Variants in KLF8 observed in about 807,000 individuals in gnomAD.
The protein encoded by KLF8 is KLF transcription factor 8, also known as Krueppel-like factor 8.
In KLF8, 10 loss-of-function variants were observed where a neutral mutation model predicts 18.2. The observed-to-expected ratio is 0.55, with a 90% confidence interval of 0.34 to 0.93. KLF8 has a LOEUF of 0.93. Among genes scored for constraint, KLF8 ranks in the 40% least tolerant of loss-of-function variants. KLF8 has a pLI of 0.02. For missense variants in KLF8, 264 were observed against 277.9 expected (o/e 0.95, Z 0.36); for synonymous variants, 109 against 97.3 (o/e 1.12, Z -0.71).
intron 1 of KLF8, 49 bp from the exon 2 acceptor site, chrX:56,250,182 T>G: frequency 1.1e-6 from 1 of 927,930 alleles, no homozygotes; most frequent in Non-Finnish European, 1.6e-6. Context: ...ATGCATATAG[T>G]GGGTTAGATT....
the KLF8 span, among the ~76,000 whole-genome samples, chrX:56,091,748 G>A: frequency 9.0e-6 from 1 of 111,712 alleles, no homozygotes; most frequent in Non-Finnish European, 1.9e-5. Context: ...ACCCAGTTTG[G>A]CCTCCCAAAG....
At chrX:56,174,169 G>A in the KLF8 span, among the ~76,000 whole-genome samples, 1 of 111,780 alleles carries the variant, frequency 8.9e-6, no homozygotes, top group Non-Finnish European at 1.9e-5. Context: ...TCCCTGTCTT[G>A]TGTGAGTTTT....
chrX:56,023,072 A>G, the KLF8 span, among the ~76,000 whole-genome samples: 2 of 111,606 alleles, frequency 1.8e-5, no homozygotes, highest in East Asian at 5.6e-4. Flanking sequence ...TGGGCATGCA[A>G]TATTTAAATA....
At chrX:56,002,832 AT>A in the KLF8 span, among the ~76,000 whole-genome samples, 1 of 111,864 alleles carries the variant, frequency 8.9e-6, no homozygotes, top group African/African-American at 3.3e-5. Context: ...CAGGTATCTA[AT>A]TGTCTTTTTT....
At chrX:56,188,099 T>A in the KLF8 span, among the ~76,000 whole-genome samples, 16 of 110,972 alleles carry the variant, frequency 1.4e-4, no homozygotes, top group Admixed American at 8.7e-4. Context: ...TGTTTGCAGA[T>A]GACATGATTG....
the KLF8 span, among the ~76,000 whole-genome samples, chrX:56,072,468 T>A: frequency 9.0e-6 from 1 of 111,594 alleles, no homozygotes; most frequent in Non-Finnish European, 1.9e-5. Flanking sequence ...GGCAGGTAGA[T>A]TAGCTCTTCA....
chrX:55,954,498 T>C, the KLF8 span, among the ~76,000 whole-genome samples: 1 of 111,886 alleles, frequency 8.9e-6, no homozygotes, highest in Non-Finnish European at 1.9e-5. Flanking sequence ...GAAGCCACTT[T>C]ATACTCACCA....
the KLF8 span, among the ~76,000 whole-genome samples, chrX:55,951,116 A>C: frequency 9.0e-6 from 1 of 111,372 alleles, no homozygotes; most frequent in Admixed American, 9.6e-5. Flanking sequence ...AGTCATAGAG[A>C]CCAAAATGGC....
At chrX:55,947,079 C>T in the KLF8 span, among the ~76,000 whole-genome samples, 4 of 111,320 alleles carry the variant, frequency 3.6e-5, no homozygotes, top group African/African-American at 9.8e-5. Flanking sequence ...GTCAGTGTGG[C>T]GATTCCTCAG....
At chrX:55,987,181 CT>C in the KLF8 span, among the ~76,000 whole-genome samples, 24 of 98,527 alleles carry the variant, frequency 2.4e-4, no homozygotes, top group African/African-American at 7.4e-4. Context: ...TTTGAAGTTT[CT>C]TTTTTTTTTT....
the KLF8 span, among the ~76,000 whole-genome samples, chrX:56,011,253 A>G: frequency 8.9e-6 from 1 of 112,127 alleles, no homozygotes; most frequent in Non-Finnish European, 1.9e-5. Context: ...CACAAGAACT[A>G]AAATCTTAAC....
chrX:56,278,098 C>T (rs920768667), intron 5 of KLF8, among the ~76,000 whole-genome samples: 17 of 112,607 alleles, frequency 1.5e-4, no homozygotes, highest in Admixed American at 2.8e-4. Flanking sequence ...CATGCAAGAG[C>T]ATAATCCTGG....
At chrX:56,137,433 T>C in the KLF8 span, among the ~76,000 whole-genome samples, 1 of 105,218 alleles carries the variant, frequency 9.5e-6, no homozygotes, top group African/African-American at 3.5e-5. Context: ...CCATAAAAAA[T>C]GATGAGTTCA....
At chrX:56,074,764 G>A in the KLF8 span, 1 of 129,657 alleles carries the variant, frequency 7.7e-6, no homozygotes. Flanking sequence ...TTCAGGCTAT[G>A]TAAGGCCACT....
chrX:56,083,330 A>G, the KLF8 span, among the ~76,000 whole-genome samples: 1 of 112,294 alleles, frequency 8.9e-6, no homozygotes, highest in South Asian at 3.7e-4. Flanking sequence ...CATGTATCTC[A>G]TAAAACCAGT....
the KLF8 span, among the ~76,000 whole-genome samples, chrX:56,091,403 A>G: frequency 9.0e-6 from 1 of 111,453 alleles, no homozygotes; most frequent in African/African-American, 3.3e-5. Context: ...TATTTCTTTT[A>G]TAAATTACCC....
chrX:55,944,804 G>T, the KLF8 span, among the ~76,000 whole-genome samples: 1,254 of 110,764 alleles, frequency 0.011, 8 homozygotes, highest in Non-Finnish European at 0.018. Flanking sequence ...TTAATTTTTT[G>T]AAGGGTTTTT....
the KLF8 span, among the ~76,000 whole-genome samples, chrX:56,176,955 A>C: frequency 9.0e-6 from 1 of 111,556 alleles, no homozygotes; most frequent in Non-Finnish European, 1.9e-5. Flanking sequence ...CAGCTCCATC[A>C]GGTCCTTTAA....
the KLF8 span, among the ~76,000 whole-genome samples, chrX:55,929,858 A>G: frequency 9.4e-6 from 1 of 106,202 alleles, no homozygotes; most frequent in African/African-American, 3.5e-5. Flanking sequence ...TGTCTTGACT[A>G]TACGGGCTCT....
Sources: gnomAD v4.1 joint callset for allele counts (sites outside exome capture counted in the v4.1 genomes callset) on GRCh38, gnomAD v4.1.1 for gene constraint, MANE v1.5 for transcripts, NCBI Gene and HGNC (gene_info 2026-07-23, HGNC 2026-07-21) for gene names.